Variants in PCDHGB2 observed in about 807,000 individuals in gnomAD.
PCDHGB2 encodes the protein protocadherin gamma subfamily B, 2.
Under a neutral mutation model 59.3 loss-of-function variants are expected in PCDHGB2, and 55 were observed. The observed-to-expected ratio is 0.93, with a 90% CI of 0.75 to 1.16. The LOEUF (loss-of-function observed/expected upper bound fraction) is 1.16, where lower values mean the gene tolerates loss of function less well. Ranked by LOEUF, PCDHGB2 falls within the 50% of genes most tolerant of loss-of-function variation. The pLI, the probability that PCDHGB2 is intolerant of heterozygous loss-of-function variation, is 0.00. For missense variants in PCDHGB2, 1,228 were observed against 1,198.5 expected, an observed-to-expected ratio of 1.02 and a Z score of -0.36; for synonymous variants, 516 against 512.0, an observed-to-expected ratio of 1.01 and a Z score of -0.11.
chr5:141,374,275 C>A (rs3749775), intron 1 of PCDHGB2: 85,315 of 1,613,944 alleles, frequency 0.053, 2,491 homozygotes, highest in African/African-American at 0.097. Flanking sequence ...AGCACGGAGT[C>A]CGCATCGTCT....
At chr5:141,430,573 A>T (rs938248057) in intron 1 of PCDHGB2, 2 of 449,056 alleles carry the variant, frequency 4.5e-6, no homozygotes, top group Non-Finnish European at 7.6e-6. Flanking sequence ...AGAAAAGCGG[A>T]GATCCTGCTC....
At chr5:141,371,474 T>A in intron 1 of PCDHGB2, 1 of 1,613,986 alleles carries the variant, frequency 6.2e-7, no homozygotes, top group South Asian at 1.1e-5. Flanking sequence ...AAGAAGATGC[T>A]GAGCTGGGGA....
chr5:141,448,955 A>G (rs929888928), intron 1 of PCDHGB2, among the ~76,000 whole-genome samples: 1 of 152,174 alleles, frequency 6.6e-6, no homozygotes. Flanking sequence ...AAAAAAACAA[A>G]CAAACAAACA....
intron 1 of PCDHGB2, chr5:141,478,588 T>G (rs2099465964): frequency 6.3e-7 from 1 of 1,575,000 alleles, no homozygotes; most frequent in African/African-American, 1.4e-5. Flanking sequence ...TAGTGCTTTT[T>G]TATTCCTACA....
chr5:141,385,105 C>T lies in PCDHGB2; in HGVS notation c.2421+22549C>T. ...TTCAGAAGGTGGCTTGGCGAACGTG[C>T]CCACCTCGCACTTTGTGGGCATGGA... On this transcript the variant is annotated intron_variant, in intron 1 of 3. Transcript: ENST00000522605. 3 of 1,614,176 alleles carry T rather than the reference C, an allele frequency of 1.9e-6. No homozygotes were observed. Among genetic ancestry groups the T allele is most frequent in the Non-Finnish European group, 2.5e-6 (3 of 1,180,044 alleles).
rs757503771 is a variant in PCDHGB2 at position 141,433,052 on chromosome 5, A to C, written c.2422-61755A>C. 31 of 1,614,060 alleles carry C rather than the reference A, an allele frequency of 1.9e-5. No homozygotes were observed. Among genetic ancestry groups the C allele is most frequent in the Non-Finnish European group, 1.8e-5 (21 of 1,180,044 alleles). On this transcript the variant is annotated intron_variant, in intron 1 of 3. Coordinates refer to ENST00000522605, the MANE Select transcript of PCDHGB2 (RefSeq NM_018923.3). ...GGTTTCCCTCACCACGGACTCGCGG[A>C]AGAGTCACCTGATCTTCCCCCAGCC...
chr5:141,502,179 A>C (rs1403845758), intron 2 of PCDHGB2, among the ~76,000 whole-genome samples: 3 of 152,218 alleles, frequency 2.0e-5, no homozygotes, highest in African/African-American at 7.2e-5. Context: ...GGAATTTAAC[A>C]TTAATACAAT....
rs1423427104 is a variant in PCDHGB2, at chr5:141,417,737, C to T, written c.2421+55181C>T. 5 of 1,407,068 alleles carry T rather than the reference C, an allele frequency of 3.6e-6. No homozygotes were observed. In the African/African-American group the frequency reaches 7.2e-5, roughly 20 times the overall value. 87.2% of individuals were successfully genotyped at this position (1,407,068 alleles called of 1,614,324 possible). ...CCGGCTGCGCAGACCTTGCCCAGCA[C>T]ACCAGATTGCCAGCTCCGAGACCCG... is the stretch of plus-strand genomic sequence containing the variant. On this transcript the variant is annotated intron_variant, in intron 1 of 3. Transcript: ENST00000522605.
intron 1 of PCDHGB2, among the ~76,000 whole-genome samples, chr5:141,397,322 AATT>A (rs1264296504): frequency 6.6e-6 from 1 of 152,188 alleles, no homozygotes; most frequent in Non-Finnish European, 1.5e-5. Flanking sequence ...AGTAAAGAAA[AATT>A]ATTTTTATAA....
In PCDHGB2 at chr5:141,415,292, G is replaced by T. The variant is rs778092218; in HGVS notation, c.2421+52736G>T. The T allele has an allele frequency of 1.7e-5, 28 of 1,614,082 alleles. No individual in the cohort carries two copies. Among genetic ancestry groups the T allele is most frequent in the Non-Finnish European group, 2.3e-5 (27 of 1,180,046 alleles). Reference sequence around the variant, plus strand: ...GTGGTAGCGGTGGCCGCGGTCTCCTGCGTCTTCCTGGCCTTCGTCATCGTG... The same window carrying T: ...GTGGTAGCGGTGGCCGCGGTCTCCTTCGTCTTCCTGGCCTTCGTCATCGTG... On this transcript the variant is annotated intron_variant, in intron 1 of 3. Coordinates refer to ENST00000522605, the MANE Select transcript of PCDHGB2 (RefSeq NM_018923.3).
At chr5:141,365,895 A>G in intron 1 of PCDHGB2, 1 of 1,614,212 alleles carries the variant, frequency 6.2e-7, no homozygotes, top group East Asian at 2.2e-5. Flanking sequence ...TCCTTCGACT[A>G]TGAGCAGTTG....
In PCDHGB2 at chr5:141,367,963, G is replaced by A. The variant is rs983677753; in HGVS notation, c.2421+5407G>A. Among the ~76,000 whole-genome samples the A allele has an allele frequency of 1.4e-4, 21 of 152,110 alleles. 1 individual carries two copies. The South Asian group carries it at 4.2e-3, about 30-fold the overall frequency. On this transcript the variant is annotated intron_variant, in intron 1 of 3. Coordinates refer to ENST00000522605, the MANE Select transcript of PCDHGB2 (RefSeq NM_018923.3). ...CAAAATTTTAAATTTCATATCTAAC[G>A]TATGTGCTCATCTTAAATTAATAGA...
In PCDHGB2 at chr5:141,383,904, C is replaced by T. The variant is rs759650044; in HGVS notation, c.2421+21348C>T. ...GTCTGACAAAGGCAAAAGTACTGAT[C>T]ACAGTTTTAGATGTAAATGATAATG... On this transcript the variant is annotated intron_variant, in intron 1 of 3. Coordinates refer to ENST00000522605, the MANE Select transcript of PCDHGB2 (RefSeq NM_018923.3). The T allele has an allele frequency of 1.1e-5, 18 of 1,613,626 alleles. No homozygotes were observed. The South Asian group carries it at 1.8e-4, about 16-fold the overall frequency.
rs9324847 is a variant in PCDHGB2, at chr5:141,376,094, A to C, written c.2421+13538A>C. The C allele has an allele frequency of 5.1e-3, 8,284 of 1,613,546 alleles. 340 individuals are homozygous for C. In the African/African-American group the frequency reaches 0.097, roughly 19 times the overall value. On this transcript the variant is annotated intron_variant, in intron 1 of 3. Transcript: ENST00000522605. ...GGCCGTGGCCGACAGGATCCCCGAC[A>C]TCCTGGCCGACCTGGGCAGCCTCGA...
chr5:141,394,115 T>A, intron 1 of PCDHGB2: 1 of 1,613,954 alleles, frequency 6.2e-7, no homozygotes, highest in Non-Finnish European at 8.5e-7. Context: ...CTCTGTCCAC[T>A]GAAACTCAAA....
In PCDHGB2 at chr5:141,477,836, G is replaced by T. The variant is rs1344676631; in HGVS notation, c.2422-16971G>T. On this transcript the variant is annotated intron_variant, in intron 1 of 3. Transcript: ENST00000522605. This position sits in a 1 kb window ranked among gnomAD's most constrained non-coding sequence, Gnocchi z 4.9. ...CCAGGTCCTATATCCTCGGCCAGGT[G>T]GGAGCTCGGTGGAGATGCTGCCTCG... The T allele has an allele frequency of 1.2e-6, 2 of 1,613,952 alleles. No individual in the cohort carries two copies. Among genetic ancestry groups the T allele is most frequent in the Non-Finnish European group, 1.7e-6 (2 of 1,180,012 alleles).
chr5:141,367,311 G>A (rs1390904308), intron 1 of PCDHGB2: 2 of 152,784 alleles, frequency 1.3e-5, no homozygotes, highest in Middle Eastern at 3.4e-3. Flanking sequence ...GGCTGAGGTG[G>A]GCGGATCACG....
chr5:141,477,010 C>G lies in PCDHGB2; in HGVS notation c.2422-17797C>G. On this transcript the variant is annotated intron_variant, in intron 1 of 3. Coordinates refer to ENST00000522605, the MANE Select transcript of PCDHGB2 (RefSeq NM_018923.3). This position sits in a 1 kb window ranked among gnomAD's most constrained non-coding sequence, Gnocchi z 4.9. ...GCGTGCGGCAACTATTCGCCTTAGA[C>G]CTTGTAACCGGGATGCTGACAATCA... 4 of 1,614,260 alleles carry G rather than the reference C, an allele frequency of 2.5e-6. No homozygotes were observed. Among genetic ancestry groups the G allele is most frequent in the Non-Finnish European group, 2.5e-6 (3 of 1,180,052 alleles).
rs777314784 is a variant in PCDHGB2, at chr5:141,432,669, C to A, written c.2422-62138C>A. On this transcript the variant is annotated intron_variant, in intron 1 of 3. Transcript: ENST00000522605. The surrounding 1 kb of genome is among the most constrained non-coding windows in gnomAD (Gnocchi z 6.0). ...GCGCGAGCCCTGCTGGACAGAGACG[C>A]GCTCAAGCAGAGCCTCGTAGTGGCC... 1 of 1,613,894 alleles carries A rather than the reference C, an allele frequency of 6.2e-7. No homozygotes were observed. Among genetic ancestry groups the A allele is most frequent in the Non-Finnish European group, 8.5e-7 (1 of 1,179,950 alleles).
Sources: allele counts gnomAD v4.1 joint callset (sites outside exome capture counted in the v4.1 genomes callset), GRCh38; gene constraint gnomAD v4.1.1; non-coding constraint Gnocchi (gnomAD v3.1); transcripts MANE v1.5; gene names NCBI Gene and HGNC (gene_info 2026-07-23, HGNC 2026-07-21).